The following NOMO1 variants were observed in gnomAD, a reference collection of about 807,000 sequenced individuals.
The protein encoded by NOMO1 is NODAL modulator 1.
Under a neutral mutation model 133.8 loss-of-function variants are expected in NOMO1, and 40 were observed. That is an observed-to-expected ratio of 0.30 (90% confidence interval 0.23 to 0.39). The LOEUF is 0.39. Ranked by LOEUF, NOMO1 falls within the 10% of genes least tolerant of loss-of-function variation. The pLI is 1.00. For synonymous variants in NOMO1, 236 were observed against 570.5 expected (o/e 0.41, Z 8.36); for missense variants, 462 against 1,419.9 (o/e 0.33, Z 10.84).
chr16:14,851,030 G>A lies in NOMO1; in HGVS notation c.583-1400G>A, dbSNP rs1468287214. On this transcript the variant is annotated intron_variant, in intron 6 of 30. Transcript: ENST00000287667. ...ACCTGGGAGGTGGAGGTAGCAGTGA[G>A]CCAAGATTGCACCACTGCACTTCAG... Among the ~76,000 whole-genome samples, 7 of 142,824 alleles carry A rather than the reference G, an allele frequency of 4.9e-5. No individual in the cohort carries two copies. In the East Asian group the frequency reaches 1.4e-3, roughly 29 times the overall value. The allele number at this position is 142,824 out of a possible 152,430, so 93.7% of individuals were successfully genotyped here.
At chr16:14,837,935 G>T (rs1240305335) in intron 1 of NOMO1, among the ~76,000 whole-genome samples, 172 of 117,738 alleles carry the variant, frequency 1.5e-3, no homozygotes, top group Non-Finnish European at 2.5e-3. Flanking sequence ...TGTATTTTTA[G>T]TAGGGACAGG....
intron 17 of NOMO1, among the ~76,000 whole-genome samples, chr16:14,871,959 C>G (rs1217926706): frequency 6.6e-6 from 1 of 151,844 alleles, no homozygotes; most frequent in Non-Finnish European, 1.5e-5. Flanking sequence ...ATCTCCCAGC[C>G]CTCACCGATG....
rs537389040 is a variant in NOMO1, at chr16:14,866,749, G to T, written c.1806+58G>T. On this transcript the variant is annotated intron_variant, in intron 15 of 30. Transcript: ENST00000287667. ...AAAGCGCTCGCCTTGTGGATGTCAAGAAAGACTAACATCCCAGGAATATTG... is the reference window on the plus strand; with the variant it reads ...AAAGCGCTCGCCTTGTGGATGTCAATAAAGACTAACATCCCAGGAATATTG... The T allele has an allele frequency of 6.7e-3, 10,714 of 1,609,684 alleles. 154 individuals are homozygous for T. Among genetic ancestry groups the T allele is most frequent in the South Asian group, 0.015 (1,368 of 90,876 alleles).
chr16:14,882,960 A>C (rs1460045154), intron 26 of NOMO1, among the ~76,000 whole-genome samples: 1 of 152,108 alleles, frequency 6.6e-6, no homozygotes, highest in African/African-American at 2.4e-5. Context: ...AAGGAACTTA[A>C]GGCCTAAGCA....
chr16:14,857,711 G>C (rs1375728903), intron 11 of NOMO1, 56 bp downstream of exon 11: 1 of 1,610,650 alleles, frequency 6.2e-7, no homozygotes, highest in Non-Finnish European at 8.5e-7. Flanking sequence ...AGCCAGTGTA[G>C]AACCGAATGA....
intron 6 of NOMO1, among the ~76,000 whole-genome samples, chr16:14,850,946 T>C (rs1264461361): frequency 1.3e-5 from 2 of 149,948 alleles, no homozygotes; most frequent in African/African-American, 4.9e-5. Context: ...TAGCCAGGAA[T>C]GGTGGCATAC....
intron 1 of NOMO1, among the ~76,000 whole-genome samples, chr16:14,835,749 T>C (rs1414133157): frequency 8.6e-5 from 13 of 151,946 alleles, no homozygotes; most frequent in South Asian, 2.1e-4. Flanking sequence ...GATGTAGAAA[T>C]AATCATGATA....
At chr16:14,862,372 A>C (rs1963933331) in intron 11 of NOMO1, 1 of 153,934 alleles carries the variant, frequency 6.5e-6, no homozygotes. Flanking sequence ...CCTTATTTAG[A>C]ATCTCAAATC....
intron 4 of NOMO1, among the ~76,000 whole-genome samples, chr16:14,845,295 C>T (rs1430889736): frequency 6.6e-6 from 1 of 152,036 alleles, no homozygotes; most frequent in African/African-American, 2.4e-5. Context: ...GCCTCCACTT[C>T]CCATAGTGCT....
intron 15 of NOMO1, among the ~76,000 whole-genome samples, chr16:14,867,170 ATATATATTTTTTTTTTT>A (rs1964012779): frequency 2.0e-4 from 3 of 15,142 alleles, no homozygotes. Context: ...ATATATATAT[ATATATATTTTTTTTTTT>A]TTTTTTTTTT....
At chr16:14,892,830 T>A (rs1964426065) in intron 29 of NOMO1, among the ~76,000 whole-genome samples, 1 of 148,170 alleles carries the variant, frequency 6.7e-6, no homozygotes, top group South Asian at 2.3e-4. Context: ...AGGACTCAAG[T>A]GAGGCGGTTT....
At chr16:14,883,412 C>T (rs1269168989) in intron 26 of NOMO1, among the ~76,000 whole-genome samples, 2 of 151,284 alleles carry the variant, frequency 1.3e-5, no homozygotes, top group Non-Finnish European at 2.9e-5. Context: ...TCTCGGCTCA[C>T]TGCAACCTCC....
At chr16:14,847,005 C>A (rs1963692320) in intron 5 of NOMO1, among the ~76,000 whole-genome samples, 1 of 151,904 alleles carries the variant, frequency 6.6e-6, no homozygotes, top group South Asian at 2.1e-4. Flanking sequence ...CCAGCCTGGA[C>A]AACTTAGGGA....
At chr16:14,857,087 G>A in intron 9 of NOMO1, 130 bp from the exon 10 acceptor site, 4 of 1,055,116 alleles carry the variant, frequency 3.8e-6, no homozygotes, top group Non-Finnish European at 4.3e-6. Flanking sequence ...ACAGGACCGG[G>A]GCACTGAGTG....
intron 1 of NOMO1, among the ~76,000 whole-genome samples, chr16:14,837,331 C>T (rs1963533039): frequency 6.6e-6 from 1 of 152,068 alleles, no homozygotes; most frequent in Non-Finnish European, 1.5e-5. Context: ...TTCTTTGAAT[C>T]CATATTCTGT....
At chr16:14,894,336 G>C (rs554930158) in intron 29 of NOMO1, among the ~76,000 whole-genome samples, 29 of 152,264 alleles carry the variant, frequency 1.9e-4, no homozygotes, top group African/African-American at 7.0e-4. Flanking sequence ...CTAGGGTCCA[G>C]CCAGGGTGTG....
chr16:14,883,567 G>A (rs1442662899), intron 26 of NOMO1, among the ~76,000 whole-genome samples: 1 of 151,740 alleles, frequency 6.6e-6, no homozygotes, highest in Non-Finnish European at 1.5e-5. Flanking sequence ...CCTGACCTCA[G>A]GTGATCTGCT....
intron 26 of NOMO1, 104 bp downstream of exon 26, chr16:14,882,781 A>T: frequency 7.0e-6 from 11 of 1,578,042 alleles, no homozygotes; most frequent in Non-Finnish European, 8.7e-6. Context: ...GGCGGGGGGA[A>T]CTTTCATCCT....
chr16:14,850,400 T>A lies in NOMO1; in HGVS notation c.582+1429T>A, dbSNP rs918500072. On this transcript the variant is annotated intron_variant, in intron 6 of 30. Transcript: ENST00000287667. ...GCCAGCATCTTGAATTGTATTTTTT[T>A]AAATTTCTTTAGCTGGTTAGAAGGT... Among the ~76,000 whole-genome samples, 34 of 151,792 alleles carry A rather than the reference T, an allele frequency of 2.2e-4. 1 individual carries two copies. The highest frequency in any genetic ancestry group is 7.8e-4 in the African/African-American group (32 of 41,166).
Sources: allele counts gnomAD v4.1 joint callset (sites outside exome capture counted in the v4.1 genomes callset), GRCh38; gene constraint gnomAD v4.1.1; transcripts MANE v1.5; gene names NCBI Gene and HGNC (gene_info 2026-07-23, HGNC 2026-07-21).